NR5A2: variants seen among roughly 807,000 people sequenced by gnomAD.
NR5A2 encodes the protein nuclear receptor subfamily 5 group A member 2, also known as CYP7A promoter-binding factor.
Under a neutral mutation model 62.7 loss-of-function variants are expected in NR5A2, and 26 were observed. The ratio of observed to expected loss-of-function variants is 0.41; its 90% CI spans 0.30 to 0.58. The LOEUF (loss-of-function observed/expected upper bound fraction) is 0.58. NR5A2 is among the 20% of genes least tolerant of loss of function. NR5A2 has a pLI of 0.22. For missense variants in NR5A2, 541 were observed against 669.1 expected, an observed-to-expected ratio of 0.81 and a Z score of 2.11; for synonymous variants, 246 against 241.7, an observed-to-expected ratio of 1.02 and a Z score of -0.16.
chr1:200,060,355 AATAGACCCCAGAGAAGG>A (rs1663146211), intron 5 of NR5A2, among the ~76,000 whole-genome samples: 1 of 152,166 alleles, frequency 6.6e-6, no homozygotes, highest in African/African-American at 2.4e-5. Context: ...GAAACGGTTA[AATAGACCCCAGAGAAGG>A]GCTGCAGTTA....
intron 7 of NR5A2, among the ~76,000 whole-genome samples, chr1:200,164,038 G>A (rs1653779754): frequency 6.6e-6 from 1 of 151,824 alleles, no homozygotes; most frequent in Non-Finnish European, 1.5e-5. Flanking sequence ...GTGAGTTCTT[G>A]CCAGATCTGG....
chr1:200,144,889 G>A (rs1029910151), intron 7 of NR5A2, among the ~76,000 whole-genome samples: 14 of 152,210 alleles, frequency 9.2e-5, no homozygotes, highest in Admixed American at 9.2e-4. Flanking sequence ...CTACTAAATA[G>A]GAATTGCTAA....
Position 200,034,869 on chromosome 1 carries a change from A to G in NR5A2, c.65-4789A>G, listed in dbSNP as rs972045496. 2.1e-5 allele frequency among the ~76,000 whole-genome samples: 3 copies of G among 144,778 alleles called. No individual in the cohort carries two copies. In the Admixed American group the frequency reaches 2.1e-4, roughly 10 times the overall value. The allele number at this position is 144,778 out of a possible 152,430, so 95.0% of individuals were successfully genotyped here. On this transcript the variant is annotated intron_variant, in intron 1 of 7. Transcript: ENST00000367362. ...GTTTGCTTTTTTAAAGCTTCGATCA[A>G]CACGACGCTCCCTGGTAATTCCTAT...
chr1:200,042,662 G>A (rs919453492), intron 2 of NR5A2, among the ~76,000 whole-genome samples: 1 of 152,248 alleles, frequency 6.6e-6, no homozygotes, highest in Non-Finnish European at 1.5e-5. Flanking sequence ...TTTCGCCGAA[G>A]AGTGCCCGGG....
intron 5 of NR5A2, among the ~76,000 whole-genome samples, chr1:200,049,412 T>C (rs942009187): frequency 6.6e-6 from 1 of 152,184 alleles, no homozygotes; most frequent in Admixed American, 6.5e-5. Context: ...AATGGGCAAA[T>C]GGTGAGTGCT....
At chr1:200,029,594 T>C (rs1372464382) in intron 1 of NR5A2, 1 of 152,476 alleles carries the variant, frequency 6.6e-6, no homozygotes, top group Non-Finnish European at 1.5e-5. Flanking sequence ...AAGGGGCTGC[T>C]GGGGACTAAA....
At chr1:200,091,588 G>T (rs563981854) in intron 5 of NR5A2, among the ~76,000 whole-genome samples, 1 of 151,088 alleles carries the variant, frequency 6.6e-6, no homozygotes, top group Admixed American at 6.6e-5. Context: ...AGGTTCAAGC[G>T]ATTCTCCTGC....
At chr1:200,085,116 G>A (rs1043776240) in intron 5 of NR5A2, among the ~76,000 whole-genome samples, 1 of 152,136 alleles carries the variant, frequency 6.6e-6, no homozygotes, top group Non-Finnish European at 1.5e-5. Flanking sequence ...AGGAGGAGGA[G>A]GATCAGAAGT....
chr1:200,135,009 G>A (rs1476049035), intron 7 of NR5A2, among the ~76,000 whole-genome samples: 2 of 152,166 alleles, frequency 1.3e-5, no homozygotes, highest in Admixed American at 1.3e-4. Context: ...TATTTACAAA[G>A]TACCCTATTC....
At chr1:200,169,082 C>A (rs552508264) in intron 7 of NR5A2, among the ~76,000 whole-genome samples, 3 of 152,064 alleles carry the variant, frequency 2.0e-5, no homozygotes, top group African/African-American at 7.2e-5. Context: ...TCCCAGATAA[C>A]TCCCAGTTAC....
At chr1:200,027,985 A>G (rs1661406275) in intron 1 of NR5A2, 74 bp downstream of exon 1, 2 of 1,095,954 alleles carry the variant, frequency 1.8e-6, no homozygotes, top group Non-Finnish European at 2.6e-6. Context: ...TTGTTGATGG[A>G]TTTTGCATTT....
chr1:200,029,965 A>G (rs1023680691), intron 1 of NR5A2, among the ~76,000 whole-genome samples: 24 of 152,178 alleles, frequency 1.6e-4, no homozygotes, highest in African/African-American at 5.6e-4. Context: ...GAGCCATCCA[A>G]AGGGCTGAGG....
chr1:200,114,385 T>C (rs910007307), intron 6 of NR5A2, among the ~76,000 whole-genome samples: 7 of 152,104 alleles, frequency 4.6e-5, no homozygotes, highest in Admixed American at 3.3e-4. Context: ...CCAATAACAA[T>C]TGAGCTGTGG....
chr1:200,144,462 T>C (rs1359647064), intron 7 of NR5A2, among the ~76,000 whole-genome samples: 1 of 152,154 alleles, frequency 6.6e-6, no homozygotes, highest in Non-Finnish European at 1.5e-5. Context: ...TCTGCCTCTC[T>C]TCTTGAAATG....
At chr1:200,146,406 C>T (rs929124501) in intron 7 of NR5A2, among the ~76,000 whole-genome samples, 1 of 152,096 alleles carries the variant, frequency 6.6e-6, no homozygotes, top group Non-Finnish European at 1.5e-5. Context: ...CTGTGGAGGC[C>T]AACACAGGAT....
Position 200,113,933 on chromosome 1 carries a change from C to A in NR5A2, c.1230+2612C>A, listed in dbSNP as rs985337638. ...CAGTGGCTCACGCCTGTAATCCCAG[C>A]GCTTTGGGAGGCTGAGGCGGGTGGG... On this transcript the variant is annotated intron_variant, in intron 6 of 7. Coordinates refer to ENST00000367362, the MANE Select transcript of NR5A2 (RefSeq NM_205860.3). Among the ~76,000 whole-genome samples, 5 of 152,230 alleles carry A rather than the reference C, an allele frequency of 3.3e-5. 1 individual carries two copies. Among genetic ancestry groups the A allele is most frequent in the African/African-American group, 2.4e-5 (1 of 41,536 alleles).
Position 200,177,109 on chromosome 1 carries a change from A to G in NR5A2, c.*2899A>G, listed in dbSNP as rs552851285. 3.9e-5 allele frequency: 6 copies of G among 152,604 alleles called. No individual in the cohort carries two copies. The highest frequency in any genetic ancestry group is 1.4e-4 in the African/African-American group (6 of 41,582). 9.5% of individuals were successfully genotyped at this position (152,604 alleles called of 1,614,324 possible). On this transcript the variant is annotated 3_prime_UTR_variant, in exon 8 of 8. Coordinates refer to ENST00000367362, the MANE Select transcript of NR5A2 (RefSeq NM_205860.3). ...CATTTACTTAGCAACTGCCTTATCA[A>G]TTACAGGATTTGCCGGTAAAAGCAG...
intron 7 of NR5A2, among the ~76,000 whole-genome samples, chr1:200,137,389 C>T (rs1407649467): frequency 1.3e-5 from 2 of 149,434 alleles, no homozygotes; most frequent in African/African-American, 5.0e-5. Flanking sequence ...TGGTTTCGAA[C>T]TCCTGACCTG....
At chr1:200,064,608 A>G (rs1017154020) in intron 5 of NR5A2, among the ~76,000 whole-genome samples, 1 of 152,152 alleles carries the variant, frequency 6.6e-6, no homozygotes, top group African/African-American at 2.4e-5. Flanking sequence ...AGCAAAGGGG[A>G]GCCACTGGAA....
Sources: gnomAD v4.1 joint callset for allele counts (sites outside exome capture counted in the v4.1 genomes callset) on GRCh38, gnomAD v4.1.1 for gene constraint, MANE v1.5 for transcripts, NCBI Gene and HGNC (gene_info 2026-07-23, HGNC 2026-07-21) for gene names.